DAB1: variants seen among roughly 807,000 people sequenced by gnomAD.
DAB1 encodes the protein DAB adaptor protein 1.
DAB1 carries 15 observed loss-of-function variants against 64.6 expected under a neutral mutation model. The ratio of observed to expected loss-of-function variants is 0.23; its 90% CI spans 0.16 to 0.36. The LOEUF is 0.36. DAB1 is among the 10% of genes least tolerant of loss of function. The pLI, the probability that DAB1 is intolerant of heterozygous loss-of-function variation, is 1.00. For missense variants in DAB1, 596 were observed against 706.7 expected (o/e 0.84, Z 1.78); for synonymous variants, 235 against 251.9 (o/e 0.93, Z 0.64).
chr1:57,919,398 G>A (rs1261718007), intron 5 of DAB1, among the ~76,000 whole-genome samples: 1 of 152,228 alleles, frequency 6.6e-6, no homozygotes, highest in Non-Finnish European at 1.5e-5. Flanking sequence ...ATATATACAT[G>A]TACAGGATCA....
At chr1:58,505,618 T>TA (rs958215102) in intron 3 of DAB1, among the ~76,000 whole-genome samples, 17 of 151,916 alleles carry the variant, frequency 1.1e-4, no homozygotes, top group Non-Finnish European at 2.2e-4. Flanking sequence ...TTTTTTTTCC[T>TA]AAAAAAACAA....
intron 7 of DAB1, among the ~76,000 whole-genome samples, chr1:57,644,320 A>G (rs951102061): frequency 1.3e-5 from 2 of 152,244 alleles, no homozygotes; most frequent in African/African-American, 2.4e-5. Context: ...AAGAGAAAGT[A>G]GGCTATATCA....
Position 57,155,930 on chromosome 1 carries a change from G to C in DAB1, c.68-10501C>G, listed in dbSNP as rs543308678. Among the ~76,000 whole-genome samples the C allele has an allele frequency of 1.2e-4, 19 of 152,148 alleles. 1 individual carries two copies. The highest frequency in any genetic ancestry group is 4.6e-4 in the African/African-American group (19 of 41,536). ...AACAGTTTTTTTGTGGAGTTGTTAG[G>C]TTTTTCCAAATAGAAGATCATATCA... On this transcript the variant is annotated intron_variant, in intron 2 of 14. Coordinates refer to ENST00000371236, the MANE Select transcript of DAB1 (RefSeq NM_001365792.1).
At chr1:58,296,907 C>T (rs932487519) in intron 4 of DAB1, among the ~76,000 whole-genome samples, 3 of 152,132 alleles carry the variant, frequency 2.0e-5, no homozygotes, top group Non-Finnish European at 2.9e-5. Flanking sequence ...ATAGGGTTGT[C>T]CAGAGAAGCA....
chr1:58,462,313 A>G (rs1645252169), intron 3 of DAB1, among the ~76,000 whole-genome samples: 1 of 151,780 alleles, frequency 6.6e-6, no homozygotes, highest in Non-Finnish European at 1.5e-5. Flanking sequence ...TTTTTAGTAG[A>G]GACGGGGTTT....
chr1:57,889,540 A>C (rs1430447197), intron 5 of DAB1, among the ~76,000 whole-genome samples: 3 of 152,356 alleles, frequency 2.0e-5, no homozygotes, highest in African/African-American at 7.2e-5. Flanking sequence ...ACAAGACAAC[A>C]GTGTAACAAG....
chr1:57,300,092 T>A (rs1286982861), intron 1 of DAB1, among the ~76,000 whole-genome samples: 1 of 152,120 alleles, frequency 6.6e-6, no homozygotes, highest in South Asian at 2.1e-4. Flanking sequence ...CACCTTTGCA[T>A]CCACACCAGC....
At position 56,997,351 on chromosome 1, in the gene DAB1, G is replaced by A. The variant is rs188869883; in HGVS notation, c.*793C>T. 1 of 152,272 alleles carries A rather than the reference G, an allele frequency of 6.6e-6. No homozygotes were observed. The highest frequency in any genetic ancestry group is 1.9e-4 in the East Asian group (1 of 5,180). 9.4% of individuals were successfully genotyped at this position (152,272 alleles called of 1,614,324 possible). ...CACAGAATGAAGGTTCGTACTGAAA[G>A]CTGTCTTTCTTCACCAGGATGCAGA... On this transcript the variant is annotated 3_prime_UTR_variant, in exon 15 of 15. Transcript: ENST00000371236.
chr1:57,191,738 C>G (rs981522604), intron 2 of DAB1, among the ~76,000 whole-genome samples: 1 of 152,096 alleles, frequency 6.6e-6, no homozygotes, highest in African/African-American at 2.4e-5. Flanking sequence ...TTATCATATA[C>G]CATGGTGTCT....
intron 5 of DAB1, among the ~76,000 whole-genome samples, chr1:57,998,777 C>T (rs534346377): frequency 6.6e-6 from 1 of 152,288 alleles, no homozygotes; most frequent in Admixed American, 6.5e-5. Flanking sequence ...AATGCAAAGT[C>T]CTTTCAGCTA....
At chr1:57,208,047 G>A (rs187814765) in intron 2 of DAB1, among the ~76,000 whole-genome samples, 2 of 152,256 alleles carry the variant, frequency 1.3e-5, no homozygotes, top group East Asian at 3.9e-4. Flanking sequence ...TGTAATGCAA[G>A]TAATTTATTT....
intron 7 of DAB1, among the ~76,000 whole-genome samples, chr1:57,596,638 G>A (rs940975538): frequency 6.6e-6 from 1 of 152,030 alleles, no homozygotes; most frequent in African/African-American, 2.4e-5. Flanking sequence ...CCCAGCCAGT[G>A]CCTCACCTAG....
intron 4 of DAB1, among the ~76,000 whole-genome samples, chr1:57,099,920 T>C (rs1212631179): frequency 1.3e-5 from 2 of 152,080 alleles, no homozygotes; most frequent in Non-Finnish European, 2.9e-5. Context: ...TAACTGGGGG[T>C]CTAAGAACTG....
chr1:57,413,146 C>A (rs1202058461), intron 1 of DAB1, among the ~76,000 whole-genome samples: 1 of 152,134 alleles, frequency 6.6e-6, no homozygotes, highest in African/African-American at 2.4e-5. Context: ...CCATGGTTTA[C>A]TGAGTATTTT....
chr1:57,567,960 A>C (rs1486219527), intron 7 of DAB1, among the ~76,000 whole-genome samples: 1 of 152,224 alleles, frequency 6.6e-6, no homozygotes, highest in African/African-American at 2.4e-5. Flanking sequence ...AAGAGCCCGC[A>C]TTGCCAAGAC....
intron 7 of DAB1, among the ~76,000 whole-genome samples, chr1:57,647,508 C>G (rs147930011): frequency 1.3e-5 from 2 of 152,244 alleles, no homozygotes; most frequent in East Asian, 3.9e-4. Context: ...GTCTTCAGGT[C>G]AACATTTGCT....
intron 4 of DAB1, among the ~76,000 whole-genome samples, chr1:57,095,141 A>G (rs891211745): frequency 1.3e-5 from 2 of 152,148 alleles, no homozygotes; most frequent in Admixed American, 1.3e-4. Flanking sequence ...GTACCTCTGC[A>G]TTGAGTTTAC....
intron 7 of DAB1, among the ~76,000 whole-genome samples, chr1:57,576,143 AT>A (rs1358397914): frequency 2.0e-5 from 3 of 152,010 alleles, no homozygotes; most frequent in African/African-American, 7.2e-5. Flanking sequence ...TATTATTTTT[AT>A]TTTTTAATCA....
At chr1:57,024,392 G>A (rs1302322955) in intron 10 of DAB1, among the ~76,000 whole-genome samples, 1 of 152,124 alleles carries the variant, frequency 6.6e-6, no homozygotes, top group African/African-American at 2.4e-5. Flanking sequence ...TTTTGTATAT[G>A]TCCACACCCA....
Sources: allele counts gnomAD v4.1 joint callset (sites outside exome capture counted in the v4.1 genomes callset), GRCh38; gene constraint gnomAD v4.1.1; transcripts MANE v1.5; gene names NCBI Gene and HGNC (gene_info 2026-07-23, HGNC 2026-07-21).